Variants in PIEZO2 observed in about 807,000 individuals in gnomAD.
PIEZO2 encodes the protein piezo type mechanosensitive ion channel component 2.
A neutral mutation model predicts 337.3 loss-of-function variants in PIEZO2; 172 were observed. That is an observed-to-expected ratio of 0.51 (90% CI 0.45 to 0.58). The LOEUF (loss-of-function observed/expected upper bound fraction) is 0.58, where lower values mean the gene tolerates loss of function less well. Among genes scored for constraint, PIEZO2 ranks in the 20% least tolerant of loss-of-function variants. PIEZO2 has a pLI of 0.00. For missense variants in PIEZO2, 3,028 were observed against 3,391.3 expected, an observed-to-expected ratio of 0.89 and a Z score of 2.66; for synonymous variants, 1,251 against 1,228.5, an observed-to-expected ratio of 1.02 and a Z score of -0.38.
chr18:11,067,884 C>T (rs1185443901), intron 1 of PIEZO2, among the ~76,000 whole-genome samples: 3 of 152,134 alleles, frequency 2.0e-5, no homozygotes, highest in Non-Finnish European at 4.4e-5. Context: ...ACATACAGAA[C>T]ATTCTATCCA....
At chr18:11,142,935 C>T (rs966948097) in intron 1 of PIEZO2, among the ~76,000 whole-genome samples, 1 of 151,828 alleles carries the variant, frequency 6.6e-6, no homozygotes, top group African/African-American at 2.4e-5. Context: ...AAAAATTAGC[C>T]GGGTGTGGTG....
chr18:10,968,664 A>G (rs1327470729), intron 3 of PIEZO2, among the ~76,000 whole-genome samples: 1 of 146,556 alleles, frequency 6.8e-6, no homozygotes, highest in Non-Finnish European at 1.5e-5. Context: ...ATAATTATCA[A>G]TAATGTGATA....
chr18:10,989,904 G>A (rs185609972), intron 2 of PIEZO2, among the ~76,000 whole-genome samples: 3 of 152,224 alleles, frequency 2.0e-5, no homozygotes, highest in Admixed American at 6.5e-5. Flanking sequence ...CATTACTTAA[G>A]TATGCCTAAT....
chr18:10,726,143 G>GCA lies in PIEZO2; in HGVS notation c.5029+5263_5029+5264insTG, dbSNP rs1349622107. The stretch of plus-strand genomic sequence containing the variant: ...TGGGTGCGTGGGTGTAGGGTGGTGG[G>GCA]GGGATGGGTGGGAGAGGATTCATAT... On this transcript the variant is annotated intron_variant, in intron 36 of 55. Coordinates refer to ENST00000674853, the MANE Select transcript of PIEZO2 (RefSeq NM_001378183.1). The surrounding 1 kb of genome is among the most constrained non-coding windows in gnomAD (Gnocchi z 5.9). Among the ~76,000 whole-genome samples the GCA allele has an allele frequency of 1.3e-5, 2 of 152,116 alleles. No individual in the cohort carries two copies. The highest frequency in any genetic ancestry group is 4.8e-5 in the African/African-American group (2 of 41,428).
chr18:11,007,421 C>T (rs955504986), intron 2 of PIEZO2, among the ~76,000 whole-genome samples: 2 of 152,270 alleles, frequency 1.3e-5, no homozygotes, highest in Non-Finnish European at 2.9e-5. Flanking sequence ...GGTTCCACCA[C>T]GAGAATCAGG....
At chr18:11,090,352 A>T (rs2039038646) in intron 1 of PIEZO2, among the ~76,000 whole-genome samples, 1 of 152,258 alleles carries the variant, frequency 6.6e-6, no homozygotes, top group South Asian at 2.1e-4. Flanking sequence ...CTGGGCAAAA[A>T]AACAAAGTGA....
rs757633725 is a variant in PIEZO2 at position 10,862,243 on chromosome 18, G to C, written c.493-5032C>G. ...AGTTAAAAATAAAATAAAAATAATA[G>C]AATACTGGAAAACATAGATAAAAGT... On this transcript the variant is annotated intron_variant, in intron 5 of 55. Coordinates refer to ENST00000674853, the MANE Select transcript of PIEZO2 (RefSeq NM_001378183.1). The surrounding 1 kb of genome is among the most constrained non-coding windows in gnomAD (Gnocchi z 4.4). Among the ~76,000 whole-genome samples, 1 of 151,788 alleles carries C rather than the reference G, an allele frequency of 6.6e-6. No individual in the cohort carries two copies. The highest frequency in any genetic ancestry group is 1.9e-4 in the East Asian group (1 of 5,184).
Position 10,716,133 on chromosome 18 carries a change from G to C in PIEZO2, c.5090-317C>G, listed in dbSNP as rs1180153907. Among the ~76,000 whole-genome samples the C allele has an allele frequency of 6.6e-6, 1 of 152,102 alleles. No homozygotes were observed. The highest frequency in any genetic ancestry group is 2.4e-5 in the African/African-American group (1 of 41,404). ...GACAGCGTGGATCCACTCTACGCGT[G>C]GATTGTTTTCAGTAAAAGTTACTCC... On this transcript the variant is annotated intron_variant, in intron 37 of 55. Coordinates refer to ENST00000674853, the MANE Select transcript of PIEZO2 (RefSeq NM_001378183.1). The surrounding 1 kb of genome is among the most constrained non-coding windows in gnomAD (Gnocchi z 4.1).
Position 10,726,836 on chromosome 18 carries a change from C to T in PIEZO2, c.5029+4571G>A. 1 of 1,582,412 alleles carries T rather than the reference C, an allele frequency of 6.3e-7. No individual in the cohort carries two copies. The highest frequency in any genetic ancestry group is 8.7e-7 in the Non-Finnish European group (1 of 1,154,526). On this transcript the variant is annotated intron_variant, in intron 36 of 55. Transcript: ENST00000674853. This position sits in a 1 kb window ranked among gnomAD's most constrained non-coding sequence, Gnocchi z 5.9. Reference sequence around the variant, plus strand: ...GGGGTGCTGGATAATACCCGGATGCCCCACCTTATGCAGGACTTGGCACGC... The same window carrying T: ...GGGGTGCTGGATAATACCCGGATGCTCCACCTTATGCAGGACTTGGCACGC...
Position 11,069,276 on chromosome 18 carries a change from T to C in PIEZO2, c.65-3054A>G, listed in dbSNP as rs1476999112. On this transcript the variant is annotated intron_variant, in intron 1 of 55. Transcript: ENST00000674853. This position sits in a 1 kb window ranked among gnomAD's most constrained non-coding sequence, Gnocchi z 4.9. ...TTGATGAACACAGATGCACAAGTAC[T>C]CAACAAAATGCAAGCAAACCCCACT... is the stretch of plus-strand genomic sequence containing the variant. Among the ~76,000 whole-genome samples the C allele has an allele frequency of 6.6e-6, 1 of 152,020 alleles. No homozygotes were observed. The highest frequency in any genetic ancestry group is 2.4e-5 in the African/African-American group (1 of 41,390).
At position 10,773,006 on chromosome 18, in the gene PIEZO2, C is replaced by T. The variant is rs1015937183; in HGVS notation, c.2785+406G>A. Among the ~76,000 whole-genome samples the T allele has an allele frequency of 6.6e-6, 1 of 152,182 alleles. No homozygotes were observed. Among genetic ancestry groups the T allele is most frequent in the African/African-American group, 2.4e-5 (1 of 41,434 alleles). ...GAAATATATTCTTAATTATTGGCTT[C>T]CTGGAAAAGTCTCAGAATGGTTTCT... On this transcript the variant is annotated intron_variant, in intron 20 of 55. Transcript: ENST00000674853. This position sits in a 1 kb window ranked among gnomAD's most constrained non-coding sequence, Gnocchi z 5.3.
intron 3 of PIEZO2, among the ~76,000 whole-genome samples, chr18:10,939,965 C>G (rs2032637103): frequency 1.3e-5 from 2 of 152,200 alleles, no homozygotes; most frequent in Admixed American, 1.3e-4. Flanking sequence ...TCGGCAGAGG[C>G]AGTGTGACAT....
Position 10,750,229 on chromosome 18 carries a change from C to T in PIEZO2, c.4168-42G>A. On this transcript the variant is annotated intron_variant, in intron 28 of 55. Coordinates refer to ENST00000674853, the MANE Select transcript of PIEZO2 (RefSeq NM_001378183.1). This position sits in a 1 kb window ranked among gnomAD's most constrained non-coding sequence, Gnocchi z 4.1. ...GGGGATAATCCTGAAGCTCTGCAGC[C>T]AGAAAAAAAAGTGGTGTTTTATGAT... 7.0e-7 allele frequency: 1 copy of T among 1,437,804 alleles called. No individual in the cohort carries two copies. 89.1% of individuals were successfully genotyped at this position (1,437,804 alleles called of 1,614,324 possible).
At chr18:10,959,672 G>A (rs529556534) in intron 3 of PIEZO2, among the ~76,000 whole-genome samples, 9 of 152,056 alleles carry the variant, frequency 5.9e-5, no homozygotes, top group Non-Finnish European at 1.2e-4. Flanking sequence ...AAATTACAAA[G>A]TCCCATTGAG....
Position 11,127,591 on chromosome 18 carries a change from G to A in PIEZO2, c.64+20934C>T, listed in dbSNP as rs114531013. 9.8e-3 allele frequency among the ~76,000 whole-genome samples: 1,489 copies of A among 152,062 alleles called. 30 individuals are homozygous for A. The highest frequency in any genetic ancestry group is 0.034 in the African/African-American group (1,414 of 41,474). The stretch of plus-strand genomic sequence containing the variant: ...ATCAGGCTCCAAGTTCTTCAGTTTC[G>A]AGACTCAGACTGGCTCTCCTTGCTC... On this transcript the variant is annotated intron_variant, in intron 1 of 55. Coordinates refer to ENST00000674853, the MANE Select transcript of PIEZO2 (RefSeq NM_001378183.1). This position sits in a 1 kb window ranked among gnomAD's most constrained non-coding sequence, Gnocchi z 4.5.
chr18:10,757,805 C>T (rs2037944529), intron 27 of PIEZO2, among the ~76,000 whole-genome samples, 164 bp downstream of exon 27: 1 of 152,046 alleles, frequency 6.6e-6, no homozygotes, highest in South Asian at 2.1e-4. Context: ...AATTCAGAGG[C>T]TCAGCCTCCA....
At chr18:10,919,364 A>C (rs1241317524) in intron 3 of PIEZO2, among the ~76,000 whole-genome samples, 1 of 152,110 alleles carries the variant, frequency 6.6e-6, no homozygotes, top group African/African-American at 2.4e-5. Flanking sequence ...CTACCATTTT[A>C]GCTTTTGAAT....
chr18:11,019,471 G>A (rs1305488244), intron 2 of PIEZO2, among the ~76,000 whole-genome samples: 1 of 152,130 alleles, frequency 6.6e-6, no homozygotes, highest in Non-Finnish European at 1.5e-5. Flanking sequence ...GTACTTTCTG[G>A]TGTGGTAAAC....
rs2040446082 is a variant in PIEZO2, at chr18:10,819,023, C to T, written c.918-11749G>A. ...GTTAGTGGCTAATAATTTTTTGTTA[C>T]ACTTTAAACAGTAAATATACACATC... is the stretch of plus-strand genomic sequence containing the variant. On this transcript the variant is annotated intron_variant, in intron 7 of 55. Coordinates refer to ENST00000674853, the MANE Select transcript of PIEZO2 (RefSeq NM_001378183.1). The surrounding 1 kb of genome is among the most constrained non-coding windows in gnomAD (Gnocchi z 4.3). Among the ~76,000 whole-genome samples the T allele has an allele frequency of 6.6e-6, 1 of 152,128 alleles. No homozygotes were observed. The highest frequency in any genetic ancestry group is 2.4e-5 in the African/African-American group (1 of 41,430).
Sources: allele counts gnomAD v4.1 joint callset (sites outside exome capture counted in the v4.1 genomes callset), GRCh38; gene constraint gnomAD v4.1.1; non-coding constraint Gnocchi (gnomAD v3.1); transcripts MANE v1.5; gene names NCBI Gene and HGNC (gene_info 2026-07-23, HGNC 2026-07-21).